FRAS1: variants seen among roughly 807,000 people sequenced by gnomAD.
FRAS1 encodes extracellular matrix organizing protein FRAS1.
Under a neutral mutation model 435.2 loss-of-function variants are expected in FRAS1, and 290 were observed. The ratio of observed to expected loss-of-function variants is 0.67; its 90% confidence interval spans 0.61 to 0.73. FRAS1 has a LOEUF of 0.73. Among genes scored for constraint, FRAS1 ranks in the 30% least tolerant of loss-of-function variants. The pLI is 0.00. For synonymous variants in FRAS1, 1,800 were observed against 1,851.0 expected (o/e 0.97, Z 0.71); for missense variants, 4,860 against 5,001.5 (o/e 0.97, Z 0.85).
In FRAS1 at chr4:78,208,721, T is replaced by C. The variant is rs138000913; in HGVS notation, c.109-28789T>C. 7.4e-3 allele frequency among the ~76,000 whole-genome samples: 1,125 copies of C among 152,326 alleles called. 28 individuals carry two copies. The highest frequency in any genetic ancestry group is 0.048 in the Admixed American group (739 of 15,298). The stretch of plus-strand genomic sequence containing the variant: ...CAAAACTTCATTGTTTATTTACTTA[T>C]ATTAAACTTTTTCTACATTATAATT... On this transcript the variant is annotated intron_variant, in intron 2 of 73. Coordinates refer to ENST00000512123, the MANE Select transcript of FRAS1 (RefSeq NM_025074.7).
chr4:78,372,349 G>A (rs1344346813), intron 23 of FRAS1, among the ~76,000 whole-genome samples: 1 of 152,154 alleles, frequency 6.6e-6, no homozygotes, highest in Non-Finnish European at 1.5e-5. Flanking sequence ...AGAAGTCAGG[G>A]TTAGGTTTGT....
At chr4:78,122,480 G>A (rs375193354) in intron 2 of FRAS1, among the ~76,000 whole-genome samples, 74 of 152,136 alleles carry the variant, frequency 4.9e-4, no homozygotes, top group Middle Eastern at 3.4e-3. Flanking sequence ...GTAATCCTTT[G>A]GGTATATGCC....
chr4:78,496,517 A>T (rs1225108743), intron 59 of FRAS1, among the ~76,000 whole-genome samples: 1 of 152,210 alleles, frequency 6.6e-6, no homozygotes, highest in Admixed American at 6.5e-5. Context: ...TGTTCTACAT[A>T]TGGTTTTTAG....
At chr4:78,199,377 G>A (rs1025039997) in intron 2 of FRAS1, among the ~76,000 whole-genome samples, 1 of 152,150 alleles carries the variant, frequency 6.6e-6, no homozygotes, top group African/African-American at 2.4e-5. Context: ...TTACCTCTGT[G>A]GGCTGCTCCT....
At chr4:78,357,630 G>A (rs1730909155) in intron 20 of FRAS1, among the ~76,000 whole-genome samples, 1 of 152,110 alleles carries the variant, frequency 6.6e-6, no homozygotes, top group African/African-American at 2.4e-5. Context: ...GGCCGGGTGA[G>A]GTGGCTTATA....
chr4:78,260,840 G>A (rs945101183), intron 6 of FRAS1, among the ~76,000 whole-genome samples: 1 of 152,134 alleles, frequency 6.6e-6, no homozygotes, highest in African/African-American at 2.4e-5. Context: ...GGTTGTGGAT[G>A]TTTCTTTACC....
intron 32 of FRAS1, among the ~76,000 whole-genome samples, chr4:78,418,398 G>A (rs1461076769): frequency 2.0e-5 from 3 of 152,148 alleles, no homozygotes; most frequent in Admixed American, 2.0e-4. Flanking sequence ...ACAATGCTCT[G>A]AAGAACTTCT....
chr4:78,162,750 C>T (rs1721191133), intron 2 of FRAS1, among the ~76,000 whole-genome samples: 2 of 152,156 alleles, frequency 1.3e-5, no homozygotes, highest in African/African-American at 4.8e-5. Flanking sequence ...GGCTGTAAGG[C>T]AGGAGTGTCT....
chr4:78,333,254 GCTTTAT>G lies in FRAS1; in HGVS notation c.2138-13_2138-8del. ...TGGGGCTTTCCTGATTGTCTCCTTT[GCTTTAT>G]CTTTCCCCCAGCTTGCCACCAGTCC... On this transcript the variant is annotated splice_polypyrimidine_tract_variant and intron_variant, in intron 18 of 73. Transcript: ENST00000512123. 2 of 1,597,714 alleles carry G rather than the reference GCTTTAT, an allele frequency of 1.3e-6. No homozygotes were observed. Among genetic ancestry groups the G allele is most frequent in the Non-Finnish European group, 1.7e-6 (2 of 1,172,936 alleles).
Position 78,489,108 on chromosome 4 carries a change from T to C in FRAS1, c.8958+28T>C, listed in dbSNP as rs748223472. On this transcript the variant is annotated intron_variant, in intron 59 of 73. Transcript: ENST00000512123. ...AAGTGGATTGGTGGTGGCTGAAAGA[T>C]GAGATTCTCTTATTGTCTTTATTTG... 86 of 1,583,162 alleles carry C rather than the reference T, an allele frequency of 5.4e-5. 1 individual carries two copies. The South Asian group carries it at 9.6e-4, about 18-fold the overall frequency.
At chr4:78,251,304 A>T (rs2168204) in intron 4 of FRAS1, among the ~76,000 whole-genome samples, 148,991 of 152,314 alleles carry the variant, frequency 0.98, 72,971 homozygotes, top group Middle Eastern at 1. Flanking sequence ...TTACAGTCAA[A>T]ACAAGGTGTG....
At position 78,308,081 on chromosome 4, in the gene FRAS1, G is replaced by T; in HGVS notation, c.1550G>T (p.Cys517Phe). The change falls in exon 15 of 74, where the codon TGT (cysteine) becomes TTT (phenylalanine). Residue 517 changes from cysteine to phenylalanine, a missense_variant. Coordinates refer to ENST00000512123, the MANE Select transcript of FRAS1 (RefSeq NM_025074.7). ...RHSCAVCHESCAGCWGPTEKH... is the reference protein window; with the variant it reads ...RHSCAVCHESFAGCWGPTEKH... ...TCGTCTGCAGTCTGCCATGAGTCCTGTGCAGGTTGCTGGGGCCCAACGGAG... is the reference window on the plus strand; with the variant it reads ...TCGTCTGCAGTCTGCCATGAGTCCTTTGCAGGTTGCTGGGGCCCAACGGAG... 6.2e-7 allele frequency: 1 copy of T among 1,613,084 alleles called. No homozygotes were observed. The highest frequency in any genetic ancestry group is 8.5e-7 in the Non-Finnish European group (1 of 1,179,266).
At chr4:78,087,226 A>T (rs369256594) in intron 2 of FRAS1, among the ~76,000 whole-genome samples, 1 of 152,030 alleles carries the variant, frequency 6.6e-6, no homozygotes, top group African/African-American at 2.4e-5. Context: ...ATTCAACAAC[A>T]CTTCATGCTA....
intron 59 of FRAS1, among the ~76,000 whole-genome samples, chr4:78,494,525 C>T (rs887549403): frequency 6.6e-6 from 1 of 152,028 alleles, no homozygotes; most frequent in African/African-American, 2.4e-5. Flanking sequence ...TATTAACTAC[C>T]TTATCTCATG....
intron 66 of FRAS1, among the ~76,000 whole-genome samples, chr4:78,517,922 A>C (rs1721259180): frequency 6.6e-6 from 1 of 152,198 alleles, no homozygotes; most frequent in Non-Finnish European, 1.5e-5. Context: ...ACATGGTACA[A>C]GGTCCAAATA....
intron 2 of FRAS1, among the ~76,000 whole-genome samples, chr4:78,141,776 T>C (rs1442420199): frequency 6.6e-6 from 1 of 152,144 alleles, no homozygotes; most frequent in Non-Finnish European, 1.5e-5. Flanking sequence ...GTGTGGTATA[T>C]ATATACACGA....
chr4:78,425,643 G>A (rs1350238547), intron 35 of FRAS1, among the ~76,000 whole-genome samples: 1 of 152,104 alleles, frequency 6.6e-6, no homozygotes, highest in African/African-American at 2.4e-5. Context: ...TTGTGTTACT[G>A]TTGATATGAA....
intron 38 of FRAS1, among the ~76,000 whole-genome samples, chr4:78,434,315 T>C (rs1734330820): frequency 6.6e-6 from 1 of 152,198 alleles, no homozygotes; most frequent in South Asian, 2.1e-4. Flanking sequence ...CACAGTTTGC[T>C]ATGCACTGCG....
Position 78,311,873 on chromosome 4 carries a change from T to C in FRAS1, c.1678+3664T>C, listed in dbSNP as rs556494545. 2.6e-5 allele frequency among the ~76,000 whole-genome samples: 4 copies of C among 152,324 alleles called. No individual in the cohort carries two copies. The South Asian group carries it at 8.3e-4, about 32-fold the overall frequency. ...CCTATTCTATAGATTTCTTTTTAAA[T>C]GTGCTTTTCCCATTGCTCTATTGGC... On this transcript the variant is annotated intron_variant, in intron 15 of 73. Transcript: ENST00000512123.
Sources: gnomAD v4.1 joint callset for allele counts (sites outside exome capture counted in the v4.1 genomes callset) on GRCh38, gnomAD v4.1.1 for gene constraint, MANE v1.5 for transcripts, NCBI Gene and HGNC (gene_info 2026-07-23, HGNC 2026-07-21) for gene names.